PPFIA1: variants seen among roughly 807,000 people sequenced by gnomAD.
PPFIA1 encodes the protein PPFI scaffold protein A1.
Under a neutral mutation model 149.9 loss-of-function variants are expected in PPFIA1, and 25 were observed. That is an observed-to-expected ratio of 0.17 (90% CI 0.12 to 0.23). The LOEUF (loss-of-function observed/expected upper bound fraction) is 0.23, where lower values mean the gene tolerates loss of function less well. Ranked by LOEUF, PPFIA1 falls within the 10% of genes least tolerant of loss-of-function variation. PPFIA1 has a pLI of 1.00. For missense variants in PPFIA1, 1,362 were observed against 1,506.5 expected (o/e 0.90, Z 1.59); for synonymous variants, 549 against 552.8 (o/e 0.99, Z 0.10).
In PPFIA1 at chr11:70,376,581, C is replaced by T. The variant is rs1263657126; in HGVS notation, c.3365C>T (p.Thr1122Ile). Residue 1122 changes from threonine (T) to isoleucine (I), a missense_variant, in exon 25 of 28, where the codon ACT becomes ATT. Transcript: ENST00000253925. ...REFNNLLVMG[T>I]DRRFDEDDDK... The stretch of plus-strand genomic sequence containing the variant: ...TTTAACAACCTTTTGGTCATGGGGA[C>T]TGATAGAAGGTTTGATGAAGTAAGT... The T allele has an allele frequency of 1.9e-6, 3 of 1,613,514 alleles. No individual in the cohort carries two copies. The highest frequency in any genetic ancestry group is 1.7e-6 in the Non-Finnish European group (2 of 1,179,534).
chr11:70,292,778 A>G (rs890676992), intron 2 of PPFIA1, among the ~76,000 whole-genome samples: 2 of 152,180 alleles, frequency 1.3e-5, no homozygotes, highest in Admixed American at 1.3e-4. Context: ...TAGATATTAC[A>G]TGGTAGAGGC....
At chr11:70,277,060 A>ATAATATATATATATATATATATTTTTT in intron 2 of PPFIA1, among the ~76,000 whole-genome samples, 2 of 66,312 alleles carry the variant, frequency 3.0e-5, no homozygotes, top group African/African-American at 2.3e-4. Flanking sequence ...ATATATATAT[A>ATAATATATATATATATATATATTTTTT]TTTTTTTTTT....
intron 21 of PPFIA1, chr11:70,365,472 C>T (rs755500220): frequency 1.1e-5 from 5 of 456,560 alleles, no homozygotes; most frequent in Admixed American, 2.3e-5. Context: ...CCTCCCAGCG[C>T]GTTTTCCACT....
rs551008381 is a variant in PPFIA1, at chr11:70,381,221, T to C, written c.3551-867T>C. 2.0e-5 allele frequency: 3 copies of C among 152,326 alleles called. No individual in the cohort carries two copies. The South Asian group carries it at 6.2e-4, about 32-fold the overall frequency. 9.4% of individuals were successfully genotyped at this position (152,326 alleles called of 1,614,324 possible). A position where few individuals can be genotyped will look rare whatever the true frequency, so the allele number is the denominator to read the frequency against. On this transcript the variant is annotated intron_variant, in intron 26 of 27. Transcript: ENST00000253925. ...ATCTGTCCTCACCAACAGTCCCAAC[T>C]GTCTTAATGTCTTTGCTGGAACCAT...
chr11:70,277,058 A>ATTTTTTT (rs34038893), intron 2 of PPFIA1, among the ~76,000 whole-genome samples: 2 of 52,538 alleles, frequency 3.8e-5, no homozygotes, highest in African/African-American at 2.3e-4. Flanking sequence ...ATATATATAT[A>ATTTTTTT]TATTTTTTTT....
chr11:70,349,987 C>T (rs1252109965), intron 16 of PPFIA1: 1 of 454,796 alleles, frequency 2.2e-6, no homozygotes, highest in South Asian at 1.6e-5. Context: ...TACTCATCCA[C>T]CTCCCCTCCC....
At chr11:70,329,819 T>G (rs565074734) in intron 7 of PPFIA1, 1 of 210,070 alleles carries the variant, frequency 4.8e-6, no homozygotes, top group Non-Finnish European at 9.3e-6. Flanking sequence ...TCCCAGCTAC[T>G]GGGAAGATTG....
chr11:70,315,599 T>C (rs1425900409), intron 2 of PPFIA1, among the ~76,000 whole-genome samples: 1 of 151,880 alleles, frequency 6.6e-6, no homozygotes, highest in Non-Finnish European at 1.5e-5. Flanking sequence ...CGGTTTCTCA[T>C]GTCCTTGTGT....
chr11:70,305,827 G>A (rs2052810419), intron 2 of PPFIA1, among the ~76,000 whole-genome samples: 1 of 152,128 alleles, frequency 6.6e-6, no homozygotes, highest in Non-Finnish European at 1.5e-5. Context: ...CATATGTTAG[G>A]ATACATGTAA....
chr11:70,314,648 A>C (rs1198666244), intron 2 of PPFIA1, among the ~76,000 whole-genome samples: 3 of 152,148 alleles, frequency 2.0e-5, no homozygotes, highest in Admixed American at 1.3e-4. Context: ...TTTGCTTTTA[A>C]CCAAATAGGA....
chr11:70,324,446 G>A lies in PPFIA1; in HGVS notation c.309G>A (p.Gln103=), dbSNP rs1432523506. 6.2e-7 allele frequency: 1 copy of A among 1,613,928 alleles called. No homozygotes were observed. The highest frequency in any genetic ancestry group is 8.5e-7 in the Non-Finnish European group (1 of 1,179,808). The change falls in exon 3 of 28, where the codon CAG becomes CAA. Residue 103 remains glutamine, a synonymous_variant. Coordinates refer to ENST00000253925, the MANE Select transcript of PPFIA1 (RefSeq NM_003626.5). ...LTKELNVCRE[Q]LLEREEEIAE... The stretch of plus-strand genomic sequence containing the variant: ...AAGAACTCAATGTATGCAGGGAACA[G>A]CTCCTTGAAAGGGAAGAAGAAATTG...
chr11:70,347,903 T>G (rs1316059452), intron 15 of PPFIA1, among the ~76,000 whole-genome samples: 1 of 152,084 alleles, frequency 6.6e-6, no homozygotes, highest in Non-Finnish European at 1.5e-5. Flanking sequence ...CTCAGGAGGC[T>G]GAGGCAGGAG....
intron 2 of PPFIA1, among the ~76,000 whole-genome samples, chr11:70,309,946 G>T (rs2136495053): frequency 6.6e-6 from 1 of 152,306 alleles, no homozygotes; most frequent in East Asian, 1.9e-4. Flanking sequence ...ACACAGCATT[G>T]TGAATATACT....
chr11:70,332,060 C>T lies in PPFIA1; in HGVS notation c.1178C>T (p.Ala393Val), dbSNP rs200901690. Residue 393 changes from alanine (A) to valine (V), a missense_variant, in exon 9 of 28, where the codon GCG becomes GTG. Around this residue, in one of 7 missense-constraint regions of PPFIA1, gnomAD observed 733 missense variants for 744.1 expected, o/e 0.99. Coordinates refer to ENST00000253925, the MANE Select transcript of PPFIA1 (RefSeq NM_003626.5). Reference protein sequence around the residue: ...RKAETLPEVEAELAQRVAALS... With the variant: ...RKAETLPEVEVELAQRVAALS... ...GCAGAGACGCTCCCGGAGGTGGAGG[C>T]GGAGCTGGCCCAGAGGGTGGCAGCG... 9 of 1,611,360 alleles carry T rather than the reference C, an allele frequency of 5.6e-6. No homozygotes were observed. The highest frequency in any genetic ancestry group is 6.8e-6 in the Non-Finnish European group (8 of 1,178,824).
At chr11:70,288,553 C>T (rs1363088824) in intron 2 of PPFIA1, among the ~76,000 whole-genome samples, 1 of 152,156 alleles carries the variant, frequency 6.6e-6, no homozygotes, top group Non-Finnish European at 1.5e-5. Context: ...GTTCCCTGCT[C>T]AAATCACTTC....
intron 27 of PPFIA1, 109 bp downstream of exon 27, chr11:70,382,267 T>C: frequency 1.4e-6 from 1 of 703,732 alleles, no homozygotes; most frequent in Non-Finnish European, 2.4e-6. Context: ...AGTGCAGTTT[T>C]TGGGGAATTT....
In PPFIA1 at chr11:70,277,056, A is replaced by ATT. The variant is rs1256611836; in HGVS notation, c.264+4621_264+4622insTT. ...GATTGAGATATATATATATATATAT[A>ATT]TATATTTTTTTTTTTCCAGGCACAG... On this transcript the variant is annotated intron_variant, in intron 2 of 27. Coordinates refer to ENST00000253925, the MANE Select transcript of PPFIA1 (RefSeq NM_003626.5). Among the ~76,000 whole-genome samples, 229 of 31,574 alleles carry ATT rather than the reference A, an allele frequency of 7.3e-3. 4 individuals carry two copies. The highest frequency in any genetic ancestry group is 0.018 in the African/African-American group (125 of 6,934). 20.7% of individuals were successfully genotyped at this position (31,574 alleles called of 152,430 possible). A position where few individuals can be genotyped will look rare whatever the true frequency, so the allele number is the denominator to read the frequency against.
chr11:70,327,388 T>C (rs2136863083), intron 7 of PPFIA1, among the ~76,000 whole-genome samples: 1 of 152,358 alleles, frequency 6.6e-6, no homozygotes, highest in African/African-American at 2.4e-5. Context: ...AATTTGCTTC[T>C]ACATGGGTCA....
At chr11:70,279,136 T>C (rs1022944761) in intron 2 of PPFIA1, 11 of 548,778 alleles carry the variant, frequency 2.0e-5, no homozygotes, top group African/African-American at 1.8e-4. Context: ...ATGGCTGTGC[T>C]ATTCACAGCG....
Sources: gnomAD v4.1 joint callset for allele counts (sites outside exome capture counted in the v4.1 genomes callset) on GRCh38, gnomAD v4.1.1 for gene constraint, gnomAD v4.1.1 regional missense constraint, MANE v1.5 for transcripts, NCBI Gene and HGNC (gene_info 2026-07-23, HGNC 2026-07-21) for gene names.